Variants in TATDN3 observed in about 807,000 individuals in gnomAD.
TATDN3 encodes the protein deoxyribonuclease TATDN3.
TATDN3 carries 29 observed loss-of-function variants against 40.1 expected under a neutral mutation model. The observed-to-expected ratio is 0.72, with a 90% CI of 0.54 to 0.99. The LOEUF is 0.99. Ranked by LOEUF, TATDN3 falls within the 50% of genes least tolerant of loss-of-function variation. The probability of loss-of-function intolerance (pLI) is 0.00; values close to 1 mark genes in which losing one functional copy is unlikely to be tolerated. For synonymous variants in TATDN3, 105 were observed against 117.0 expected (o/e 0.90, Z 0.66); for missense variants, 309 against 321.9 (o/e 0.96, Z 0.31).
chr1:212,804,543 A>C, intron 6 of TATDN3, 53 bp from the exon 7 acceptor site: 1 of 1,588,444 alleles, frequency 6.3e-7, no homozygotes, highest in Non-Finnish European at 8.6e-7. Context: ...TAATAGATCA[A>C]AAACAATACT....
At position 212,797,122 on chromosome 1, in the gene TATDN3, T is replaced by C; in HGVS notation, c.184T>C (p.Phe62Leu). 2 of 1,614,084 alleles carry C rather than the reference T, an allele frequency of 1.2e-6. No individual in the cohort carries two copies. The highest frequency in any genetic ancestry group is 1.7e-6 in the Non-Finnish European group (2 of 1,179,934). Residue 62 changes from phenylalanine to leucine, a missense_variant, in exon 4 of 10, where the codon TTT becomes CTT. Coordinates refer to ENST00000366974, the MANE Select transcript of TATDN3 (RefSeq NM_001042552.3). Reference sequence around the variant, plus strand: ...GTTCTACATTTTTAGGTATAATGGGTTTGTCCTGCCATGCTTGGGTGTTCA... The same window carrying C: ...GTTCTACATTTTTAGGTATAATGGGCTTGTCCTGCCATGCTTGGGTGTTCA... The part of the protein sequence containing the change: ...IMQLSERYNG[F>L]VLPCLGVHPV...
intron 7 of TATDN3, among the ~76,000 whole-genome samples, chr1:212,805,036 A>C (rs1384675421): frequency 1.3e-5 from 2 of 152,054 alleles, no homozygotes; most frequent in Admixed American, 6.5e-5. Flanking sequence ...ATCTCAGCTC[A>C]CTGCAACCTC....
intron 4 of TATDN3, 28 bp downstream of exon 4, chr1:212,797,224 T>C (rs750861777): frequency 6.5e-7 from 1 of 1,545,636 alleles, no homozygotes; most frequent in East Asian, 2.3e-5. Flanking sequence ...CAGGAACCAT[T>C]AAAAACAAAC....
At position 212,815,906 on chromosome 1, in the gene TATDN3, A is replaced by G. The variant is rs1192573897; in HGVS notation, c.*750A>G. The G allele has an allele frequency of 6.6e-6, 1 of 152,170 alleles. No homozygotes were observed. The highest frequency in any genetic ancestry group is 2.4e-5 in the African/African-American group (1 of 41,446). The allele number at this position is 152,170 out of a possible 1,614,324, so 9.4% of individuals were successfully genotyped here. On this transcript the variant is annotated 3_prime_UTR_variant, in exon 10 of 10. Transcript: ENST00000366974. ...TGTCTGGTTTTCTATGCTGTCAGAAATCTCTTTTCTAGGTTTGTAAAATTG... is the reference window on the plus strand; with the variant it reads ...TGTCTGGTTTTCTATGCTGTCAGAAGTCTCTTTTCTAGGTTTGTAAAATTG...
rs1260486446 is a variant in TATDN3, at chr1:212,809,179, AAC to A, written c.600+1335_600+1336del. Among the ~76,000 whole-genome samples the A allele has an allele frequency of 3.3e-5, 5 of 152,346 alleles. No homozygotes were observed. In the East Asian group the frequency reaches 9.6e-4, roughly 29 times the overall value. On this transcript the variant is annotated intron_variant, in intron 8 of 9. Coordinates refer to ENST00000366974, the MANE Select transcript of TATDN3 (RefSeq NM_001042552.3). Reference sequence around the variant, plus strand: ...AATGTCCAGGTGAGGCAGATCTATAAACACAATATAGATTAGTGGTTTCCAGA... The same window carrying A: ...AATGTCCAGGTGAGGCAGATCTATAAACAATATAGATTAGTGGTTTCCAGA...
intron 4 of TATDN3, among the ~76,000 whole-genome samples, chr1:212,801,145 G>A (rs578143188): frequency 1.2e-3 from 178 of 151,500 alleles, no homozygotes; most frequent in Non-Finnish European, 2.2e-3. Context: ...AGCTATGATC[G>A]CACCACTGCA....
chr1:212,792,663 G>T (rs961735637), intron 1 of TATDN3, among the ~76,000 whole-genome samples: 1 of 130,786 alleles, frequency 7.6e-6, no homozygotes, highest in Admixed American at 7.3e-5. Flanking sequence ...ATTCACAAAT[G>T]GGGGAGAGAG....
chr1:212,809,715 C>G (rs945788204), intron 8 of TATDN3, among the ~76,000 whole-genome samples: 1 of 148,946 alleles, frequency 6.7e-6, no homozygotes, highest in East Asian at 2.0e-4. Flanking sequence ...AGAAAACCAT[C>G]CACAACCCAA....
Position 212,796,506 on chromosome 1 carries a change from T to TC in TATDN3, c.100-11_100-10insC, listed in dbSNP as rs1661769640. 6.6e-7 allele frequency: 1 copy of TC among 1,523,650 alleles called. No individual in the cohort carries two copies. Among genetic ancestry groups the TC allele is most frequent in the Non-Finnish European group, 8.7e-7 (1 of 1,144,116 alleles). 94.4% of individuals were successfully genotyped at this position (1,523,650 alleles called of 1,614,324 possible). ...TATTGTTTGTAACTTTATTCTTTTT[T>TC]TTTTTTTCAGGCCAATGTTGTGGCC... On this transcript the variant is annotated splice_polypyrimidine_tract_variant and intron_variant, in intron 2 of 9. Transcript: ENST00000366974.
intron 7 of TATDN3, among the ~76,000 whole-genome samples, chr1:212,804,973 A>T (rs545527587): frequency 2.7e-4 from 41 of 152,232 alleles, no homozygotes; most frequent in Admixed American, 1.1e-3. Flanking sequence ...TTATTTATTT[A>T]TTTTTTGAGA....
rs936684868 is a variant in TATDN3, at chr1:212,816,351, A to G, written c.*1195A>G. The G allele has an allele frequency of 3.5e-4, 53 of 152,292 alleles. No individual in the cohort carries two copies. Among genetic ancestry groups the G allele is most frequent in the Admixed American group, 1.2e-3 (19 of 15,284 alleles). 9.4% of individuals were successfully genotyped at this position (152,292 alleles called of 1,614,324 possible). On this transcript the variant is annotated 3_prime_UTR_variant, in exon 10 of 10. Coordinates refer to ENST00000366974, the MANE Select transcript of TATDN3 (RefSeq NM_001042552.3). Reference sequence around the variant, plus strand: ...AAATAAAAATCTCAAAAAAATTAAAAATCTCAAGTGTAAAAACAGTTCTGT... The same window carrying G: ...AAATAAAAATCTCAAAAAAATTAAAGATCTCAAGTGTAAAAACAGTTCTGT...
At chr1:212,795,195 T>G (rs1661664779) in intron 2 of TATDN3, 68 bp downstream of exon 2, 2 of 1,184,798 alleles carry the variant, frequency 1.7e-6, no homozygotes, top group Non-Finnish European at 2.5e-6. Flanking sequence ...CAAAACAGCT[T>G]GAAATTTAGA....
intron 4 of TATDN3, among the ~76,000 whole-genome samples, chr1:212,800,215 A>G (rs559739633): frequency 3.3e-5 from 5 of 152,314 alleles, no homozygotes; most frequent in African/African-American, 7.2e-5. Flanking sequence ...ATAAACCACA[A>G]TGAACTGTGG....
chr1:212,809,583 CT>C (rs1662737163), intron 8 of TATDN3, among the ~76,000 whole-genome samples: 2 of 151,968 alleles, frequency 1.3e-5, no homozygotes, highest in South Asian at 4.2e-4. Context: ...ACTCGGGAGA[CT>C]GAGGCAGGAG....
intron 5 of TATDN3, among the ~76,000 whole-genome samples, 161 bp from the exon 6 acceptor site, chr1:212,804,159 T>C (rs961132981): frequency 1.3e-5 from 2 of 152,194 alleles, no homozygotes; most frequent in Non-Finnish European, 2.9e-5. Context: ...ATTTCACCTG[T>C]TTTTGTGAAT....
chr1:212,797,538 G>A (rs1410051767), intron 4 of TATDN3: 1 of 181,628 alleles, frequency 5.5e-6, no homozygotes, highest in Non-Finnish European at 1.2e-5. Flanking sequence ...TTCACTATGA[G>A]TGACATCTAC....
Position 212,804,523 on chromosome 1 carries a change from C to T in TATDN3, c.432-73C>T, listed in dbSNP as rs559575866. On this transcript the variant is annotated intron_variant, in intron 6 of 9. Coordinates refer to ENST00000366974, the MANE Select transcript of TATDN3 (RefSeq NM_001042552.3). ...ATGGAACTCTACATTTATTTTTCTC[C>T]AAACTACTTTAATAGATCAAAAACA... is the stretch of plus-strand genomic sequence containing the variant. The T allele has an allele frequency of 1.2e-5, 19 of 1,564,950 alleles. No individual in the cohort carries two copies. The East Asian group carries it at 4.3e-4, about 35-fold the overall frequency.
intron 5 of TATDN3, among the ~76,000 whole-genome samples, chr1:212,803,285 T>C (rs1322704510): frequency 2.0e-5 from 3 of 151,476 alleles, no homozygotes; most frequent in African/African-American, 7.3e-5. Context: ...CAGGTTCAAG[T>C]GGTTCTCCTG....
intron 3 of TATDN3, 37 bp downstream of exon 3, chr1:212,796,627 TA>T: frequency 1.4e-6 from 2 of 1,425,610 alleles, no homozygotes; most frequent in Admixed American, 2.2e-5. Context: ...GGGTTGCTAA[TA>T]AGAACACAGT....
Sources: allele counts gnomAD v4.1 joint callset (sites outside exome capture counted in the v4.1 genomes callset), GRCh38; gene constraint gnomAD v4.1.1; transcripts MANE v1.5; gene names NCBI Gene and HGNC (gene_info 2026-07-23, HGNC 2026-07-21).